The following GLIS1 variants were observed in gnomAD, a reference collection of about 807,000 sequenced individuals.
GLIS1 encodes GLIS family zinc finger 1, also known as zinc finger protein GLIS1.
GLIS1 carries 24 observed loss-of-function variants against 63.8 expected under a neutral mutation model. The ratio of observed to expected loss-of-function variants is 0.38; its 90% CI spans 0.27 to 0.53. The LOEUF (loss-of-function observed/expected upper bound fraction) is 0.53. Ranked by LOEUF, GLIS1 falls within the 20% of genes least tolerant of loss-of-function variation. The pLI is 0.85. For synonymous variants in GLIS1, 450 were observed against 482.5 expected (o/e 0.93, Z 0.88); for missense variants, 1,036 against 1,074.1 (o/e 0.96, Z 0.50).
At chr1:53,572,204 T>C (rs1644991035) in intron 4 of GLIS1, among the ~76,000 whole-genome samples, 1 of 152,180 alleles carries the variant, frequency 6.6e-6, no homozygotes, top group African/African-American at 2.4e-5. Context: ...CAAATCCTGG[T>C]GTCTCCACTT....
intron 2 of GLIS1, among the ~76,000 whole-genome samples, chr1:53,644,478 A>G (rs1283071407): frequency 6.6e-6 from 1 of 152,328 alleles, no homozygotes; most frequent in East Asian, 1.9e-4. Context: ...GAGCTTCCGT[A>G]CAGAAGAGGA....
intron 2 of GLIS1, among the ~76,000 whole-genome samples, chr1:53,660,473 A>G (rs914069383): frequency 6.6e-6 from 1 of 152,188 alleles, no homozygotes; most frequent in African/African-American, 2.4e-5. Context: ...GGGTCACACT[A>G]GTAAGTGACA....
At chr1:53,660,146 C>T (rs1236217821) in intron 2 of GLIS1, among the ~76,000 whole-genome samples, 2 of 152,190 alleles carry the variant, frequency 1.3e-5, no homozygotes, top group African/African-American at 4.8e-5. Flanking sequence ...TTTCCAGACA[C>T]CTCAATGGGG....
chr1:53,728,808 A>G (rs1174133750), intron 2 of GLIS1, among the ~76,000 whole-genome samples: 1 of 152,262 alleles, frequency 6.6e-6, no homozygotes, highest in Non-Finnish European at 1.5e-5. Context: ...CCACAAGCAG[A>G]CATCAGCAAG....
intron 4 of GLIS1, among the ~76,000 whole-genome samples, chr1:53,579,788 T>G (rs559835413): frequency 6.6e-6 from 1 of 152,182 alleles, no homozygotes; most frequent in Admixed American, 6.5e-5. Flanking sequence ...GAGGGAGAGG[T>G]GCACAGGGCA....
chr1:53,625,656 T>A lies in GLIS1; in HGVS notation c.260-25378A>T, dbSNP rs1417535462. Among the ~76,000 whole-genome samples the A allele has an allele frequency of 2.0e-5, 3 of 152,224 alleles. No individual in the cohort carries two copies. The East Asian group carries it at 5.8e-4, about 29-fold the overall frequency. The stretch of plus-strand genomic sequence containing the variant: ...ACAGCCACCATGGAGTGAGCTCCTA[T>A]TGTGTCTGGAGCCAGCCCTGATGCT... On this transcript the variant is annotated intron_variant, in intron 2 of 10. Transcript: ENST00000628545.
intron 2 of GLIS1, among the ~76,000 whole-genome samples, chr1:53,684,881 C>T (rs991220129): frequency 1.3e-5 from 2 of 152,150 alleles, no homozygotes; most frequent in African/African-American, 4.8e-5. Flanking sequence ...TGGCTCTGCC[C>T]AGATCAGTGA....
intron 4 of GLIS1, among the ~76,000 whole-genome samples, chr1:53,590,018 C>A (rs927050662): frequency 6.6e-6 from 1 of 152,200 alleles, no homozygotes; most frequent in Non-Finnish European, 1.5e-5. Context: ...GCTCTGCCAC[C>A]CATTGACTGG....
intron 2 of GLIS1, among the ~76,000 whole-genome samples, chr1:53,655,040 G>A (rs1645949691): frequency 1.3e-5 from 2 of 152,188 alleles, no homozygotes; most frequent in Non-Finnish European, 2.9e-5. Flanking sequence ...TCTTGGAGCA[G>A]GTGACGGGGC....
intron 2 of GLIS1, among the ~76,000 whole-genome samples, chr1:53,677,943 C>T (rs532321804): frequency 6.6e-6 from 1 of 152,348 alleles, no homozygotes; most frequent in Admixed American, 6.5e-5. Context: ...AATGGAAACA[C>T]TGATGTCTCC....
intron 4 of GLIS1, among the ~76,000 whole-genome samples, chr1:53,592,596 C>G (rs1645203143): frequency 6.6e-6 from 1 of 152,220 alleles, no homozygotes; most frequent in Non-Finnish European, 1.5e-5. Context: ...GGGCATGTGT[C>G]ACAGGACCCC....
rs201181155 is a variant in GLIS1, at chr1:53,509,240, C to A, written c.2110G>T (p.Asp704Tyr). The A allele has an allele frequency of 1.3e-6, 2 of 1,595,502 alleles. No individual in the cohort carries two copies. Among genetic ancestry groups the A allele is most frequent in the Non-Finnish European group, 1.7e-6 (2 of 1,171,348 alleles). ...GCTGGTTCAGCCATCCGGTAGCAGT[C>A]GCCATAGGGGAAGCAACTCTGGATG... ...HSIQSCFPYG[D>Y]CYRMAEPAAG... The change falls in exon 10 of 11, where the codon GAC becomes TAC. Residue 704 changes from aspartate (D) to tyrosine (Y), a missense_variant. Asp to Tyr is a radical substitution (Grantham distance 160, BLOSUM62 -3). Around this residue, in one of 3 missense-constraint regions of GLIS1, gnomAD observed 400 missense variants for 400.9 expected, o/e 1.00. Transcript: ENST00000628545.
rs1178908764 is a variant in GLIS1, at chr1:53,526,563, CCACCA to C, written c.1483-1681_1483-1677del. Among the ~76,000 whole-genome samples the C allele has an allele frequency of 6.7e-6, 1 of 148,890 alleles. No homozygotes were observed. The highest frequency in any genetic ancestry group is 2.6e-4 in the East Asian group (1 of 3,844). On this transcript the variant is annotated intron_variant, in intron 5 of 10. Transcript: ENST00000628545. The surrounding 1 kb of genome is among the most constrained non-coding windows in gnomAD (Gnocchi z 4.4). ...CACACACACACACACAAAACCACCA[CCACCA>C]CACACACACACCACACCATACACAC...
chr1:53,698,555 T>C (rs1646490429), intron 2 of GLIS1, among the ~76,000 whole-genome samples: 1 of 152,210 alleles, frequency 6.6e-6, no homozygotes, highest in Admixed American at 6.5e-5. Flanking sequence ...CTGGCCCCAT[T>C]TCCCCATCAG....
At chr1:53,552,234 C>A (rs918808505) in intron 4 of GLIS1, among the ~76,000 whole-genome samples, 13 of 152,264 alleles carry the variant, frequency 8.5e-5, no homozygotes, top group Admixed American at 5.2e-4. Flanking sequence ...TCACCACACA[C>A]CCCAACCCTA....
intron 4 of GLIS1, among the ~76,000 whole-genome samples, 168 bp downstream of exon 4, chr1:53,593,940 C>T (rs1329334208): frequency 6.6e-6 from 1 of 152,212 alleles, no homozygotes; most frequent in Non-Finnish European, 1.5e-5. Context: ...GGGCACTGAC[C>T]GTCTTGACCA....
At chr1:53,631,754 G>A (rs1645654182) in intron 2 of GLIS1, among the ~76,000 whole-genome samples, 2 of 152,076 alleles carry the variant, frequency 1.3e-5, no homozygotes, top group South Asian at 4.2e-4. Context: ...AACGGGTAAT[G>A]ACCTGAAGCA....
At chr1:53,592,700 C>T (rs1022720088) in intron 4 of GLIS1, among the ~76,000 whole-genome samples, 1 of 152,254 alleles carries the variant, frequency 6.6e-6, no homozygotes, top group African/African-American at 2.4e-5. Flanking sequence ...GTCAAAGTCT[C>T]AGCCTGTCCA....
chr1:53,604,748 A>G (rs1343588275), intron 2 of GLIS1, among the ~76,000 whole-genome samples: 1 of 152,144 alleles, frequency 6.6e-6, no homozygotes, highest in African/African-American at 2.4e-5. Flanking sequence ...GATTTGCCCA[A>G]GCTCACACAG....
Sources: gnomAD v4.1 joint callset for allele counts (sites outside exome capture counted in the v4.1 genomes callset) on GRCh38, gnomAD v4.1.1 for gene constraint, gnomAD v4.1.1 regional missense constraint, Gnocchi (gnomAD v3.1) non-coding constraint, MANE v1.5 for transcripts, NCBI Gene and HGNC (gene_info 2026-07-23, HGNC 2026-07-21) for gene names.